EDIL3: variants seen among roughly 807,000 people sequenced by gnomAD.
The protein encoded by EDIL3 is EGF-like repeat and discoidin I-like domain-containing protein 3.
EDIL3 carries 37 observed loss-of-function variants against 67.4 expected under a neutral mutation model. That is an observed-to-expected ratio of 0.55 (90% confidence interval 0.42 to 0.72). The LOEUF is 0.72. EDIL3 is among the 30% of genes least tolerant of loss of function. The pLI, the probability that EDIL3 is intolerant of heterozygous loss-of-function variation, is 0.00. For missense variants in EDIL3, 527 were observed against 586.3 expected (o/e 0.90, Z 1.04); for synonymous variants, 195 against 196.3 (o/e 0.99, Z 0.05).
intron 5 of EDIL3, among the ~76,000 whole-genome samples, chr5:84,124,238 C>G (rs1747824713): frequency 6.6e-6 from 1 of 151,824 alleles, no homozygotes; most frequent in Admixed American, 6.6e-5. Context: ...TTTGGCCAAC[C>G]AGACACAAGG....
intron 4 of EDIL3, among the ~76,000 whole-genome samples, chr5:84,173,210 T>C (rs904348045): frequency 3.3e-5 from 5 of 152,018 alleles, no homozygotes; most frequent in African/African-American, 1.2e-4. Flanking sequence ...CACTGAGTGG[T>C]CTGGAAGAGT....
intron 9 of EDIL3, among the ~76,000 whole-genome samples, chr5:84,018,456 T>C (rs1374570932): frequency 6.6e-6 from 1 of 152,158 alleles, no homozygotes; most frequent in African/African-American, 2.4e-5. Context: ...AACACACTGA[T>C]AGACCAGAGG....
chr5:84,003,430 C>G (rs1437215281), intron 9 of EDIL3, among the ~76,000 whole-genome samples: 1 of 152,166 alleles, frequency 6.6e-6, no homozygotes, highest in Non-Finnish European at 1.5e-5. Flanking sequence ...ATGGCCAAAA[C>G]TCAAGTGAGA....
chr5:83,984,222 A>T (rs1745021996), intron 9 of EDIL3, among the ~76,000 whole-genome samples: 1 of 152,102 alleles, frequency 6.6e-6, no homozygotes, highest in East Asian at 1.9e-4. Context: ...AGCAAGGCAT[A>T]CTATATGGAG....
At chr5:84,218,980 T>C (rs1744286522) in intron 3 of EDIL3, among the ~76,000 whole-genome samples, 1 of 152,200 alleles carries the variant, frequency 6.6e-6, no homozygotes, top group South Asian at 2.1e-4. Context: ...CACCTGCTGA[T>C]TGTAGACCCC....
At chr5:84,256,649 T>C (rs6878411) in intron 1 of EDIL3, among the ~76,000 whole-genome samples, 14,105 of 152,220 alleles carry the variant, frequency 0.093, 726 homozygotes, top group Middle Eastern at 0.16. Flanking sequence ...CCAAAAATTT[T>C]GGAGTTTATC....
intron 1 of EDIL3, among the ~76,000 whole-genome samples, chr5:84,291,826 C>CATAT (rs1745930084): frequency 6.8e-6 from 1 of 147,392 alleles, no homozygotes; most frequent in African/African-American, 2.5e-5. Context: ...TATATATACA[C>CATAT]ACACATATAT....
At chr5:84,377,578 T>G in intron 1 of EDIL3, among the ~76,000 whole-genome samples, 1 of 152,190 alleles carries the variant, frequency 6.6e-6, no homozygotes, top group East Asian at 1.9e-4. Flanking sequence ...TTTAAAGGAT[T>G]ATTTTGCATT....
chr5:84,013,856 G>A (rs1259323749), intron 9 of EDIL3, among the ~76,000 whole-genome samples: 4 of 152,104 alleles, frequency 2.6e-5, no homozygotes, highest in African/African-American at 9.7e-5. Context: ...CCAAAATATG[G>A]AGTCATTTAA....
intron 6 of EDIL3, among the ~76,000 whole-genome samples, chr5:84,073,440 A>AGG (rs1370460062): frequency 6.6e-6 from 1 of 151,938 alleles, no homozygotes; most frequent in Non-Finnish European, 1.5e-5. Flanking sequence ...TTGTATACCT[A>AGG]GAAAACCCCA....
chr5:84,030,047 T>A (rs1745890457), intron 9 of EDIL3, among the ~76,000 whole-genome samples: 1 of 151,304 alleles, frequency 6.6e-6, no homozygotes, highest in Non-Finnish European at 1.5e-5. Flanking sequence ...ATCATATATC[T>A]CTAAAGGTCA....
intron 1 of EDIL3, among the ~76,000 whole-genome samples, chr5:84,290,249 G>A (rs982051376): frequency 3.3e-5 from 5 of 152,142 alleles, no homozygotes; most frequent in African/African-American, 1.2e-4. Flanking sequence ...CAATGTGGAA[G>A]AGCCATGCTA....
At chr5:84,266,695 C>T in intron 1 of EDIL3, among the ~76,000 whole-genome samples, 1 of 152,158 alleles carries the variant, frequency 6.6e-6, no homozygotes. Flanking sequence ...TCCTCTTTTC[C>T]ACCTTCCTCT....
At chr5:83,982,756 G>T (rs1048910910) in intron 9 of EDIL3, among the ~76,000 whole-genome samples, 2 of 152,096 alleles carry the variant, frequency 1.3e-5, no homozygotes, top group African/African-American at 4.8e-5. Flanking sequence ...TTCTATTACT[G>T]TACAGTGTTA....
chr5:84,005,312 C>A (rs1406965419), intron 9 of EDIL3, among the ~76,000 whole-genome samples: 1 of 152,022 alleles, frequency 6.6e-6, no homozygotes, highest in Non-Finnish European at 1.5e-5. Context: ...GGAGGGACTC[C>A]TATCTAATTC....
At chr5:83,973,519 A>G (rs569097356) in intron 9 of EDIL3, among the ~76,000 whole-genome samples, 3 of 152,098 alleles carry the variant, frequency 2.0e-5, no homozygotes, top group Non-Finnish European at 4.4e-5. Flanking sequence ...GCATTGTGTC[A>G]GGATCTTTTG....
intron 1 of EDIL3, among the ~76,000 whole-genome samples, chr5:84,378,434 C>A (rs1168632405): frequency 1.3e-5 from 2 of 152,154 alleles, no homozygotes; most frequent in African/African-American, 4.8e-5. Context: ...AGTATCACTG[C>A]TTTTACATAT....
chr5:84,317,908 AAAAC>A (rs1746548642), intron 1 of EDIL3, among the ~76,000 whole-genome samples: 1 of 152,194 alleles, frequency 6.6e-6, no homozygotes. Context: ...GTATATTTAG[AAAAC>A]TCCATCGTCT....
chr5:84,111,096 C>T (rs896897899), intron 5 of EDIL3, among the ~76,000 whole-genome samples: 1 of 152,116 alleles, frequency 6.6e-6, no homozygotes, highest in Non-Finnish European at 1.5e-5. Flanking sequence ...CGTCTCTCTT[C>T]ACACTCACTC....
Sources: gnomAD v4.1 joint callset for allele counts (sites outside exome capture counted in the v4.1 genomes callset) on GRCh38, gnomAD v4.1.1 for gene constraint, MANE v1.5 for transcripts, NCBI Gene and HGNC (gene_info 2026-07-23, HGNC 2026-07-21) for gene names.